MYLK4: variants seen among roughly 807,000 people sequenced by gnomAD.
The protein encoded by MYLK4 is myosin light chain kinase family member 4.
A neutral mutation model predicts 48.1 loss-of-function variants in MYLK4; 46 were observed. The ratio of observed to expected loss-of-function variants is 0.96; its 90% confidence interval spans 0.75 to 1.22. MYLK4 has a LOEUF of 1.22. Among genes scored for constraint, MYLK4 ranks in the 50% most tolerant of loss-of-function variants. The pLI is 0.00. For missense variants in MYLK4, 451 were observed against 486.1 expected (o/e 0.93, Z 0.68); for synonymous variants, 170 against 180.8 (o/e 0.94, Z 0.48).
rs1436550963 is a variant in MYLK4, at chr6:2,672,805, A to G, written c.1120-1457T>C. Among the ~76,000 whole-genome samples the G allele has an allele frequency of 3.9e-5, 6 of 152,180 alleles. No individual in the cohort carries two copies. Among genetic ancestry groups the G allele is most frequent in the Admixed American group, 3.9e-4 (6 of 15,282 alleles). ...CAGCCCATCACCGGCAGGAGAGCAG[A>G]GCAGTGAGGCTCTGCCCGGACTCCA... On this transcript the variant is annotated intron_variant, in intron 11 of 12. Coordinates refer to ENST00000274643, the MANE Select transcript of MYLK4 (RefSeq NM_001012418.5). The surrounding 1 kb of genome is among the most constrained non-coding windows in gnomAD (Gnocchi z 4.3).
At chr6:2,738,105 T>A (rs1763764778) in intron 2 of MYLK4, among the ~76,000 whole-genome samples, 1 of 151,874 alleles carries the variant, frequency 6.6e-6, no homozygotes, top group Non-Finnish European at 1.5e-5. Flanking sequence ...TGGTCTTATG[T>A]GAAACTAGAT....
intron 2 of MYLK4, among the ~76,000 whole-genome samples, chr6:2,706,521 T>C (rs1561854620): frequency 6.6e-6 from 1 of 152,244 alleles, no homozygotes; most frequent in South Asian, 2.1e-4. Context: ...TATAAATTTA[T>C]ACCTCAGTGA....
Position 2,675,059 on chromosome 6 carries a change from T to TCTGG in MYLK4, c.1103_1106dup (p.Arg369SerfsTer14). On this transcript the variant is annotated frameshift_variant, in exon 11 of 13. Transcript: ENST00000274643. LOFTEE classifies it high-confidence loss of function. The stretch of plus-strand genomic sequence containing the variant: ...AAGCCGTGGTCACCTGGGCATTGAG[T>TCTGG]CTGGAGTGGAGCTTGTGGTCTGACA... The TCTGG allele has an allele frequency of 6.2e-7, 1 of 1,613,788 alleles. No homozygotes were observed. Among genetic ancestry groups the TCTGG allele is most frequent in the Non-Finnish European group, 8.5e-7 (1 of 1,179,800 alleles).
the MYLK4 span, chr6:2,766,023 C>G: frequency 2.0e-5 from 26 of 1,324,824 alleles, no homozygotes; most frequent in Non-Finnish European, 2.4e-5. Context: ...TCCAGCAGCC[C>G]CGGGAGGAAG....
the MYLK4 span, among the ~76,000 whole-genome samples, chr6:2,769,273 C>T: frequency 6.6e-6 from 1 of 151,692 alleles, no homozygotes; most frequent in African/African-American, 2.4e-5. Context: ...GAAAATTAAA[C>T]AATCGGTATT....
At chr6:2,764,975 C>T in the MYLK4 span, among the ~76,000 whole-genome samples, 1 of 152,158 alleles carries the variant, frequency 6.6e-6, no homozygotes, top group Non-Finnish European at 1.5e-5. Context: ...CCTTTCGTTA[C>T]AAACGACCCG....
At chr6:2,694,788 A>G (rs1056611085) in intron 2 of MYLK4, among the ~76,000 whole-genome samples, 1 of 152,042 alleles carries the variant, frequency 6.6e-6, no homozygotes, top group Admixed American at 6.5e-5. Context: ...CCATCGTACA[A>G]ATGAAGTTGG....
At chr6:2,670,239 G>T (rs1582019619) in intron 12 of MYLK4, among the ~76,000 whole-genome samples, 1 of 152,094 alleles carries the variant, frequency 6.6e-6, no homozygotes, top group East Asian at 1.9e-4. Context: ...GGTGGCAGGT[G>T]CCTGTAATCC....
chr6:2,728,871 G>A (rs1479313026), intron 2 of MYLK4, among the ~76,000 whole-genome samples: 1 of 152,220 alleles, frequency 6.6e-6, no homozygotes, highest in African/African-American at 2.4e-5. Context: ...CTCTGCTGCT[G>A]ACCTCAGAGG....
the MYLK4 span, among the ~76,000 whole-genome samples, chr6:2,763,295 C>T: frequency 4.6e-5 from 7 of 152,368 alleles, no homozygotes; most frequent in East Asian, 9.6e-4. Flanking sequence ...TGAACTGGGG[C>T]TGCAGTATAG....
intron 8 of MYLK4, 121 bp downstream of exon 8, chr6:2,680,100 G>A: frequency 8.5e-7 from 1 of 1,182,472 alleles, no homozygotes; most frequent in East Asian, 2.6e-5. Context: ...CATAATTTTT[G>A]TTAAATTAAT....
chr6:2,725,291 C>T (rs939735005), intron 2 of MYLK4, among the ~76,000 whole-genome samples: 5 of 152,030 alleles, frequency 3.3e-5, no homozygotes, highest in Admixed American at 2.6e-4. Flanking sequence ...GACTCCATCT[C>T]CACAAAAAGA....
intron 11 of MYLK4, 36 bp from the exon 12 acceptor site, chr6:2,671,384 A>G (rs766816840): frequency 6.3e-7 from 1 of 1,594,942 alleles, no homozygotes; most frequent in African/African-American, 1.3e-5. Context: ...AAGGATTAGG[A>G]CTGTTTCCTT....
intron 2 of MYLK4, among the ~76,000 whole-genome samples, chr6:2,703,684 T>C (rs1762385061): frequency 7.1e-6 from 1 of 140,590 alleles, no homozygotes; most frequent in African/African-American, 2.7e-5. Context: ...TTTTTTTTTT[T>C]TTTTTGAGAC....
intron 2 of MYLK4, among the ~76,000 whole-genome samples, chr6:2,736,015 G>T (rs1763662308): frequency 6.6e-6 from 1 of 152,116 alleles, no homozygotes. Context: ...TCTCCAAGGG[G>T]ATTTGAATTT....
At chr6:2,765,901 G>C in the MYLK4 span, 1 of 1,456,998 alleles carries the variant, frequency 6.9e-7, no homozygotes, top group Non-Finnish European at 9.0e-7. Flanking sequence ...AGAGCAGCGA[G>C]GGCGAGGGTG....
the MYLK4 span, chr6:2,766,021 C>A: frequency 8.3e-6 from 11 of 1,325,770 alleles, no homozygotes; most frequent in East Asian, 3.4e-4. Context: ...GCTCCAGCAG[C>A]CCCGGGAGGA....
intron 2 of MYLK4, among the ~76,000 whole-genome samples, chr6:2,731,347 A>G (rs1485311321): frequency 1.3e-5 from 2 of 152,162 alleles, no homozygotes; most frequent in African/African-American, 2.4e-5. Context: ...CTGGGGCTGG[A>G]TAAGGGGCCC....
intron 11 of MYLK4, among the ~76,000 whole-genome samples, chr6:2,674,542 C>T (rs1456859441): frequency 6.6e-6 from 1 of 152,132 alleles, no homozygotes; most frequent in Non-Finnish European, 1.5e-5. Flanking sequence ...CTCTGTTAAA[C>T]AACAAATACA....
Sources: allele counts gnomAD v4.1 joint callset (sites outside exome capture counted in the v4.1 genomes callset), GRCh38; gene constraint gnomAD v4.1.1; non-coding constraint Gnocchi (gnomAD v3.1); transcripts MANE v1.5; gene names NCBI Gene and HGNC (gene_info 2026-07-23, HGNC 2026-07-21).